Variants in SETD3 observed in about 807,000 individuals in gnomAD.
The protein encoded by SETD3 is SET domain containing 3, actin N3(tau)-histidine methyltransferase.
In SETD3, 19 loss-of-function variants were observed where a neutral mutation model predicts 63.0. The ratio of observed to expected loss-of-function variants is 0.30; its 90% CI spans 0.21 to 0.44. The LOEUF (loss-of-function observed/expected upper bound fraction) is 0.44, where lower values mean the gene tolerates loss of function less well. SETD3 is among the 20% of genes least tolerant of loss of function. The pLI is 1.00. For synonymous variants in SETD3, 286 were observed against 264.1 expected, an observed-to-expected ratio of 1.08 and a Z score of -0.80; for missense variants, 587 against 728.5, an observed-to-expected ratio of 0.81 and a Z score of 2.24.
chr14:99,439,574 T>A (rs1212713402), intron 6 of SETD3, among the ~76,000 whole-genome samples: 2 of 148,736 alleles, frequency 1.3e-5, no homozygotes, highest in African/African-American at 4.9e-5. Flanking sequence ...GAAATACATA[T>A]ATTTATATAT....
chr14:99,481,851 G>A (rs1299358912), upstream of SETD3, among the ~76,000 whole-genome samples: 1 of 152,252 alleles, frequency 6.6e-6, no homozygotes, highest in Non-Finnish European at 1.5e-5. Context: ...ATTTCGCGGC[G>A]TATTAGTCCC....
Position 99,398,885 on chromosome 14 carries a change from C to T in SETD3, c.1579G>A (p.Glu527Lys). Residue 527 changes from glutamate to lysine, a missense_variant, in exon 13 of 13, where the codon GAG becomes AAG. Physicochemically the swap from Glu to Lys is moderately conservative, Grantham distance 56 (BLOSUM62 1). Coordinates refer to ENST00000331768, the MANE Select transcript of SETD3 (RefSeq NM_032233.3). ...SRLPLVLRNL[E>K]EEAGVQDALN... Reference sequence around the variant, plus strand: ...GCATCCTGCACTCCAGCCTCCTCCTCGAGGTTTCTCAAGACCAGGGGGAGC... The same window carrying T: ...GCATCCTGCACTCCAGCCTCCTCCTTGAGGTTTCTCAAGACCAGGGGGAGC... The T allele has an allele frequency of 6.2e-6, 10 of 1,614,160 alleles. No individual in the cohort carries two copies. Among genetic ancestry groups the T allele is most frequent in the South Asian group, 1.1e-5 (1 of 91,092 alleles).
In SETD3 at chr14:99,448,838, G is replaced by T. The variant is rs532741960; in HGVS notation, c.675+9441C>A. ...TCAGGAAAATGGCACACAGGAAGCA[G>T]TGGCCACAGTCACTCTTGGAACTCT... On this transcript the variant is annotated intron_variant, in intron 6 of 12. Coordinates refer to ENST00000331768, the MANE Select transcript of SETD3 (RefSeq NM_032233.3). Among the ~76,000 whole-genome samples the T allele has an allele frequency of 2.4e-3, 373 of 152,358 alleles. 1 individual carries two copies. The highest frequency in any genetic ancestry group is 8.7e-3 in the African/African-American group (360 of 41,582).
At chr14:99,419,840 C>A (rs919318723) in intron 6 of SETD3, among the ~76,000 whole-genome samples, 9 of 151,830 alleles carry the variant, frequency 5.9e-5, no homozygotes, top group African/African-American at 2.2e-4. Flanking sequence ...GATGGGCAAC[C>A]AATTATGAAC....
chr14:99,435,744 CT>C (rs60698845), intron 6 of SETD3, among the ~76,000 whole-genome samples: 65,692 of 130,450 alleles, frequency 0.5, 15,719 homozygotes, highest in African/African-American at 0.68. Flanking sequence ...ACCCCCCCAC[CT>C]TTTTTTTTTT....
At chr14:99,476,388 A>C (rs1187427223) in intron 1 of SETD3, among the ~76,000 whole-genome samples, 1 of 152,238 alleles carries the variant, frequency 6.6e-6, no homozygotes, top group Non-Finnish European at 1.5e-5. Context: ...GCCTTTTAAA[A>C]GTATAGTTAT....
At chr14:99,405,522 G>C in intron 9 of SETD3, 151 bp from the exon 10 acceptor site, 1 of 881,854 alleles carries the variant, frequency 1.1e-6, no homozygotes, top group Non-Finnish European at 1.7e-6. Flanking sequence ...GGTTGCAAGG[G>C]TGAAGCTGTG....
upstream of SETD3, among the ~76,000 whole-genome samples, chr14:99,485,883 C>T (rs1354205482): frequency 6.6e-6 from 1 of 152,082 alleles, no homozygotes; most frequent in Non-Finnish European, 1.5e-5. Context: ...AAAAGAATAA[C>T]CTATTTCCTA....
At position 99,398,810 on chromosome 14, in the gene SETD3, G is replaced by A. The variant is rs761109700; in HGVS notation, c.1654C>T (p.Leu552Phe). The change falls in exon 13 of 13, where the codon CTT becomes TTT. Residue 552 changes from leucine to phenylalanine, a missense_variant. By Grantham distance (22) the Leu-to-Phe change is conservative. Transcript: ENST00000331768. ...GGGATAGAGTTTTCACCGTTTACAA[G>A]CCCGTTTTCTGTGGCCTTTGCTTTG... is the stretch of plus-strand genomic sequence containing the variant. ...ISKAKATENG[L>F]VNGENSIPNG... 6.2e-7 allele frequency: 1 copy of A among 1,614,208 alleles called. No homozygotes were observed. Among genetic ancestry groups the A allele is most frequent in the South Asian group, 1.1e-5 (1 of 91,082 alleles).
intron 1 of SETD3, among the ~76,000 whole-genome samples, chr14:99,477,074 A>G (rs558236539): frequency 7.2e-5 from 11 of 152,308 alleles, no homozygotes; most frequent in Non-Finnish European, 1.6e-4. Flanking sequence ...TTGGCTTAGT[A>G]ATCAGTAGAT....
At chr14:99,407,019 G>T (rs954748006) in intron 8 of SETD3, among the ~76,000 whole-genome samples, 21 of 152,248 alleles carry the variant, frequency 1.4e-4, no homozygotes, top group African/African-American at 5.1e-4. Context: ...CTAATGTTTG[G>T]CCATTAAGAA....
rs768711755 is a variant in SETD3, at chr14:99,398,636, C to G, written c.*43G>C. On this transcript the variant is annotated 3_prime_UTR_variant, in exon 13 of 13. Coordinates refer to ENST00000331768, the MANE Select transcript of SETD3 (RefSeq NM_032233.3). ...ACAGCGATGTGAACGGACTGTCCGT[C>G]AACTCCTGCTCCACTGGATCCCCCA... 4 of 1,561,684 alleles carry G rather than the reference C, an allele frequency of 2.6e-6. No individual in the cohort carries two copies. The highest frequency in any genetic ancestry group is 1.7e-5 in the Admixed American group (1 of 58,352).
At chr14:99,469,171 A>G (rs190935547) in intron 1 of SETD3, among the ~76,000 whole-genome samples, 1 of 152,386 alleles carries the variant, frequency 6.6e-6, no homozygotes, top group East Asian at 1.9e-4. Flanking sequence ...TTTAAGCCAG[A>G]AAACTGCTGG....
At chr14:99,443,470 T>TC (rs1893955314) in intron 6 of SETD3, among the ~76,000 whole-genome samples, 1 of 152,154 alleles carries the variant, frequency 6.6e-6, no homozygotes, top group Non-Finnish European at 1.5e-5. Flanking sequence ...CAGGCTGGTC[T>TC]CAAACTCCTG....
upstream of SETD3, among the ~76,000 whole-genome samples, chr14:99,481,921 T>G (rs921793731): frequency 6.6e-6 from 1 of 152,206 alleles, no homozygotes; most frequent in Admixed American, 6.5e-5. Flanking sequence ...ACTCCGACTT[T>G]GGAGTTTTGG....
intron 6 of SETD3, among the ~76,000 whole-genome samples, chr14:99,425,359 C>G (rs993171317): frequency 2.6e-5 from 4 of 152,322 alleles, no homozygotes; most frequent in African/African-American, 9.6e-5. Context: ...TGCAAGAACA[C>G]GAAAGGCCTG....
intron 1 of SETD3, among the ~76,000 whole-genome samples, chr14:99,471,142 G>A (rs1023086941): frequency 3.3e-5 from 5 of 152,096 alleles, no homozygotes; most frequent in African/African-American, 1.2e-4. Context: ...CTGTCTTGTG[G>A]CAGAAAAAAA....
At chr14:99,434,498 T>A (rs1426039266) in intron 6 of SETD3, among the ~76,000 whole-genome samples, 1 of 152,074 alleles carries the variant, frequency 6.6e-6, no homozygotes, top group Non-Finnish European at 1.5e-5. Flanking sequence ...AGTGGGGAGT[T>A]TTCTAGGTTG....
At chr14:99,469,768 C>T (rs575385239) in intron 1 of SETD3, among the ~76,000 whole-genome samples, 3 of 152,180 alleles carry the variant, frequency 2.0e-5, no homozygotes, top group East Asian at 1.9e-4. Flanking sequence ...ACCTACAAAC[C>T]GCATAGTGCA....
Sources: allele counts gnomAD v4.1 joint callset (sites outside exome capture counted in the v4.1 genomes callset), GRCh38; gene constraint gnomAD v4.1.1; transcripts MANE v1.5; gene names NCBI Gene and HGNC (gene_info 2026-07-23, HGNC 2026-07-21).